The following CYP2J2 variants were observed in gnomAD, a reference collection of about 807,000 sequenced individuals.
CYP2J2 encodes the protein cytochrome P450 family 2 subfamily J member 2, also known as cytochrome P450 2J2.
In CYP2J2, 41 loss-of-function variants were observed where a neutral mutation model predicts 48.8. The observed-to-expected ratio is 0.84, with a 90% confidence interval of 0.66 to 1.09. The LOEUF is 1.09. CYP2J2 is among the 50% of genes least tolerant of loss of function. CYP2J2 has a pLI of 0.00. For missense variants in CYP2J2, 644 were observed against 617.3 expected (o/e 1.04, Z -0.46); for synonymous variants, 221 against 227.1 (o/e 0.97, Z 0.24).
chr1:59,959,893 G>A, the CYP2J2 span, among the ~76,000 whole-genome samples: 3,373 of 152,128 alleles, frequency 0.022, 116 homozygotes, highest in African/African-American at 0.077. Flanking sequence ...TGGGGACTCC[G>A]GGGGAAGAGT....
Position 59,916,224 on chromosome 1 carries a change from C to CAT in CYP2J2, c.211-125_211-124insAT, listed in dbSNP as rs1553469018. ...GCGTGTGTCTGTGTCTGTGTGTGTACGTGTGTGTGTGTGTGTGTGTGAGTG... is the reference window on the plus strand; with the variant it reads ...GCGTGTGTCTGTGTCTGTGTGTGTACATGTGTGTGTGTGTGTGTGTGTGAGTG... On this transcript the variant is annotated intron_variant, in intron 1 of 8. Transcript: ENST00000371204. 9.3e-4 allele frequency: 555 copies of CAT among 599,268 alleles called. 2 individuals are homozygous for CAT. The highest frequency in any genetic ancestry group is 1.6e-3 in the Admixed American group (51 of 32,344). The allele number at this position is 599,268 out of a possible 1,614,324, so 37.1% of individuals were successfully genotyped here. A position where few individuals can be genotyped will look rare whatever the true frequency, so the allele number is the denominator to read the frequency against.
At chr1:59,947,994 A>G in the CYP2J2 span, among the ~76,000 whole-genome samples, 25 of 152,264 alleles carry the variant, frequency 1.6e-4, no homozygotes, top group African/African-American at 6.0e-4. Flanking sequence ...TCGGTTTTGC[A>G]TCTCCCAGAC....
At chr1:59,955,166 TAAA>T in the CYP2J2 span, among the ~76,000 whole-genome samples, 1 of 148,496 alleles carries the variant, frequency 6.7e-6, no homozygotes, top group East Asian at 2.0e-4. Context: ...AATAAATAAA[TAAA>T]TAATTAAAAA....
upstream of CYP2J2, among the ~76,000 whole-genome samples, chr1:59,927,846 T>C (rs1644581491): frequency 6.6e-6 from 1 of 152,196 alleles, no homozygotes; most frequent in Non-Finnish European, 1.5e-5. Flanking sequence ...GTGCTAGGAT[T>C]ACAGGTGTGA....
chr1:59,929,687 C>T (rs1434333523), upstream of CYP2J2, among the ~76,000 whole-genome samples: 3 of 151,952 alleles, frequency 2.0e-5, no homozygotes, highest in Admixed American at 6.6e-5. Flanking sequence ...AATCAGTGAA[C>T]TGTAAGATAG....
chr1:59,935,034 A>G, the CYP2J2 span, among the ~76,000 whole-genome samples: 19 of 109,816 alleles, frequency 1.7e-4, 1 homozygote, highest in East Asian at 4.7e-4. Flanking sequence ...ATATATATAT[A>G]TATATATATA....
At chr1:59,938,288 A>C in the CYP2J2 span, among the ~76,000 whole-genome samples, 2 of 152,250 alleles carry the variant, frequency 1.3e-5, no homozygotes, top group African/African-American at 4.8e-5. Flanking sequence ...GGCGCTCAGC[A>C]TGCGGAGGAC....
At position 59,907,866 on chromosome 1, in the gene CYP2J2, A is replaced by T; in HGVS notation, c.923T>A (p.Leu308His). ...EENLICSTLD[L>H]FFAGTETTST... is the part of the protein sequence containing the mutation. ...AGTTGTCTCGGTTCCGGCAAAGAAG[A>T]GGTCCAGGGTGCTGCAGATGAGGTT... Residue 308 changes from leucine (L) to histidine (H), a missense_variant, in exon 6 of 9, where the codon CTC becomes CAC. Transcript: ENST00000371204. 1 of 1,614,054 alleles carries T rather than the reference A, an allele frequency of 6.2e-7. No homozygotes were observed. Among genetic ancestry groups the T allele is most frequent in the Non-Finnish European group, 8.5e-7 (1 of 1,179,954 alleles).
At chr1:59,932,446 T>G in the CYP2J2 span, among the ~76,000 whole-genome samples, 3 of 152,166 alleles carry the variant, frequency 2.0e-5, no homozygotes, top group African/African-American at 4.8e-5. Flanking sequence ...ATTGCAACTA[T>G]AACATTTCAA....
chr1:59,949,931 C>A, the CYP2J2 span, among the ~76,000 whole-genome samples: 54 of 152,164 alleles, frequency 3.5e-4, no homozygotes, highest in African/African-American at 1.2e-3. Flanking sequence ...ATTCTGTTGG[C>A]ATTTTTGGAT....
chr1:59,932,539 G>A, the CYP2J2 span, among the ~76,000 whole-genome samples: 1 of 152,066 alleles, frequency 6.6e-6, no homozygotes, highest in Non-Finnish European at 1.5e-5. Context: ...AGCAAAAATT[G>A]AGGGAGTTTT....
At chr1:59,963,013 G>A in the CYP2J2 span, among the ~76,000 whole-genome samples, 3 of 152,052 alleles carry the variant, frequency 2.0e-5, no homozygotes, top group African/African-American at 4.8e-5. Context: ...AAAGTATTAT[G>A]TATTATAAAA....
intron 5 of CYP2J2, among the ~76,000 whole-genome samples, chr1:59,908,980 A>T (rs1011222434): frequency 6.6e-6 from 1 of 152,182 alleles, no homozygotes; most frequent in African/African-American, 2.4e-5. Flanking sequence ...ATGGTAGGTC[A>T]TTGGGTCTAG....
the CYP2J2 span, among the ~76,000 whole-genome samples, chr1:59,946,694 A>G: frequency 6.6e-6 from 1 of 152,224 alleles, no homozygotes; most frequent in Non-Finnish European, 1.5e-5. Flanking sequence ...AAGAGACATT[A>G]AGGAATGTCA....
the CYP2J2 span, among the ~76,000 whole-genome samples, chr1:59,948,383 A>C: frequency 6.6e-6 from 1 of 152,210 alleles, no homozygotes; most frequent in Non-Finnish European, 1.5e-5. Flanking sequence ...TTGAGTATGC[A>C]CATCTATTAG....
At chr1:59,906,590 T>C (rs977479526) in intron 6 of CYP2J2, among the ~76,000 whole-genome samples, 1 of 152,180 alleles carries the variant, frequency 6.6e-6, no homozygotes, top group African/African-American at 2.4e-5. Context: ...TATATTCACA[T>C]TGTTAGGCAA....
At chr1:59,915,729 C>T (rs965353507) in intron 2 of CYP2J2, among the ~76,000 whole-genome samples, 2 of 152,138 alleles carry the variant, frequency 1.3e-5, no homozygotes, top group African/African-American at 2.4e-5. Flanking sequence ...TGGTTTCTCC[C>T]AAATCCCAGT....
At chr1:59,952,957 T>G in the CYP2J2 span, among the ~76,000 whole-genome samples, 1 of 152,140 alleles carries the variant, frequency 6.6e-6, no homozygotes, top group Admixed American at 6.5e-5. Flanking sequence ...AAGTAAGGCA[T>G]GGAAAGGATA....
At chr1:59,957,685 C>A in the CYP2J2 span, among the ~76,000 whole-genome samples, 1 of 148,634 alleles carries the variant, frequency 6.7e-6, no homozygotes, top group Non-Finnish European at 1.5e-5. Context: ...CACACAGACA[C>A]ACACACACAC....
Sources: allele counts gnomAD v4.1 joint callset (sites outside exome capture counted in the v4.1 genomes callset), GRCh38; gene constraint gnomAD v4.1.1; transcripts MANE v1.5; gene names NCBI Gene and HGNC (gene_info 2026-07-23, HGNC 2026-07-21).